GPC6: variants seen among roughly 807,000 people sequenced by gnomAD.
GPC6 encodes the protein glypican 6.
GPC6 carries 14 observed loss-of-function variants against 55.2 expected under a neutral mutation model. That is an observed-to-expected ratio of 0.25 (90% confidence interval 0.17 to 0.40). The LOEUF (loss-of-function observed/expected upper bound fraction) is 0.40. GPC6 is among the 10% of genes least tolerant of loss of function. The pLI, the probability that GPC6 is intolerant of heterozygous loss-of-function variation, is 1.00. For missense variants in GPC6, 641 were observed against 708.5 expected (o/e 0.90, Z 1.08); for synonymous variants, 278 against 259.6 (o/e 1.07, Z -0.68).
chr13:93,256,644 C>A (rs556906208), intron 1 of GPC6, among the ~76,000 whole-genome samples: 4 of 152,180 alleles, frequency 2.6e-5, no homozygotes, highest in African/African-American at 9.6e-5. Flanking sequence ...TAGAAAACAA[C>A]CTCTATGTAG....
At position 94,180,430 on chromosome 13, in the gene GPC6, C is replaced by T. The variant is rs561475277; in HGVS notation, c.878-105919C>T. ...ATATGGCAATTTGATCAACTGAATG[C>T]AGTCTTTGAAGCCACAATAAATGTA... On this transcript the variant is annotated intron_variant, in intron 4 of 8. Coordinates refer to ENST00000377047, the MANE Select transcript of GPC6 (RefSeq NM_005708.5). Among the ~76,000 whole-genome samples, 5 of 152,252 alleles carry T rather than the reference C, an allele frequency of 3.3e-5. No individual in the cohort carries two copies. The East Asian group carries it at 9.6e-4, about 29-fold the overall frequency.
chr13:93,224,065 A>AT (rs1221217766), upstream of GPC6, among the ~76,000 whole-genome samples: 3 of 151,332 alleles, frequency 2.0e-5, no homozygotes, highest in Non-Finnish European at 2.9e-5. Flanking sequence ...CACCCGTCTA[A>AT]TTTTTTGTAT....
intron 1 of GPC6, among the ~76,000 whole-genome samples, chr13:93,528,613 A>G (rs151125432): frequency 6.6e-6 from 1 of 152,320 alleles, no homozygotes; most frequent in Non-Finnish European, 1.5e-5. Context: ...TAGGACTAAA[A>G]ACATCTTTGG....
chr13:93,852,313 A>T lies in GPC6; in HGVS notation c.711+21768A>T, dbSNP rs76991916. 4.0e-3 allele frequency among the ~76,000 whole-genome samples: 600 copies of T among 151,884 alleles called. 7 individuals are homozygous for T. The highest frequency in any genetic ancestry group is 0.014 in the African/African-American group (562 of 41,506). Reference sequence around the variant, plus strand: ...GAAACGCATACTTTGTAAACTGCATATAAGATACACATGGGGCTGAATCAA... The same window carrying T: ...GAAACGCATACTTTGTAAACTGCATTTAAGATACACATGGGGCTGAATCAA... On this transcript the variant is annotated intron_variant, in intron 3 of 8. Transcript: ENST00000377047.
intron 3 of GPC6, among the ~76,000 whole-genome samples, chr13:93,960,260 A>G (rs1879705908): frequency 6.6e-6 from 1 of 152,208 alleles, no homozygotes; most frequent in African/African-American, 2.4e-5. Flanking sequence ...ACGTTTTTAC[A>G]TATTGAGCAC....
intron 1 of GPC6, among the ~76,000 whole-genome samples, chr13:93,308,403 A>G (rs1489944984): frequency 6.6e-6 from 1 of 152,248 alleles, no homozygotes; most frequent in East Asian, 1.9e-4. Context: ...ACTGGCTGAA[A>G]TTGTTGAACC....
At chr13:93,547,107 GATC>G (rs958692282) in intron 2 of GPC6, among the ~76,000 whole-genome samples, 17 of 151,494 alleles carry the variant, frequency 1.1e-4, no homozygotes, top group African/African-American at 4.1e-4. Flanking sequence ...GAGGCGGGTG[GATC>G]ATGAGGTCAA....
intron 2 of GPC6, among the ~76,000 whole-genome samples, chr13:93,574,230 A>G (rs1485426349): frequency 6.6e-6 from 1 of 152,150 alleles, no homozygotes; most frequent in Non-Finnish European, 1.5e-5. Flanking sequence ...TTGCAGATGT[A>G]ATTAGTTAAG....
At chr13:93,503,887 C>T (rs2139374838) in intron 1 of GPC6, among the ~76,000 whole-genome samples, 1 of 152,136 alleles carries the variant, frequency 6.6e-6, no homozygotes, top group African/African-American at 2.4e-5. Context: ...CATATTTAGA[C>T]AATATGAGAT....
At chr13:93,482,670 A>G (rs950977316) in intron 1 of GPC6, among the ~76,000 whole-genome samples, 3 of 152,172 alleles carry the variant, frequency 2.0e-5, no homozygotes, top group Non-Finnish European at 2.9e-5. Context: ...AGAAAATAAA[A>G]GAAAAGAAAC....
Position 93,808,862 on chromosome 13 carries a change from G to A in GPC6, c.320-21292G>A, listed in dbSNP as rs867159119. On this transcript the variant is annotated intron_variant, in intron 2 of 8. Transcript: ENST00000377047. ...CATGTGTAGAGATAACCAGTAAACA[G>A]CAAGGTAGTTGTAGGGAGCTGAGAA... 2.0e-5 allele frequency among the ~76,000 whole-genome samples: 3 copies of A among 152,106 alleles called. No homozygotes were observed. In the South Asian group the frequency reaches 6.2e-4, roughly 32 times the overall value.
chr13:93,239,171 T>G (rs1692405842), intron 1 of GPC6, among the ~76,000 whole-genome samples: 1 of 152,006 alleles, frequency 6.6e-6, no homozygotes, highest in African/African-American at 2.4e-5. Flanking sequence ...ATCACTTCTT[T>G]TAATGTCTGG....
chr13:94,218,022 A>T (rs1177339404), intron 4 of GPC6, among the ~76,000 whole-genome samples: 1 of 152,200 alleles, frequency 6.6e-6, no homozygotes, highest in African/African-American at 2.4e-5. Flanking sequence ...TTTAAACACA[A>T]GCATGTGGTA....
intron 4 of GPC6, among the ~76,000 whole-genome samples, chr13:94,229,491 A>C (rs908386641): frequency 6.6e-6 from 1 of 152,210 alleles, no homozygotes; most frequent in Non-Finnish European, 1.5e-5. Context: ...TGAAACGTGT[A>C]GCCTGAATAG....
chr13:93,248,040 T>A (rs1283856495), intron 1 of GPC6, among the ~76,000 whole-genome samples: 1 of 152,164 alleles, frequency 6.6e-6, no homozygotes, highest in Non-Finnish European at 1.5e-5. Context: ...CTATTGATGA[T>A]GAGATAATAT....
intron 4 of GPC6, among the ~76,000 whole-genome samples, chr13:94,146,425 A>G (rs1488279857): frequency 6.6e-6 from 1 of 152,164 alleles, no homozygotes; most frequent in Non-Finnish European, 1.5e-5. Flanking sequence ...TTTACCTTCA[A>G]CAATTATTAT....
At chr13:94,234,630 C>G (rs1005818096) in intron 4 of GPC6, among the ~76,000 whole-genome samples, 1 of 151,344 alleles carries the variant, frequency 6.6e-6, no homozygotes, top group Non-Finnish European at 1.5e-5. Flanking sequence ...CTTCTTGGAC[C>G]CTTAAAGCTT....
chr13:93,461,013 G>T (rs1416662991), intron 1 of GPC6, among the ~76,000 whole-genome samples: 2 of 152,054 alleles, frequency 1.3e-5, no homozygotes, highest in Admixed American at 6.6e-5. Flanking sequence ...ATCTAGCATT[G>T]GTAAGGAGTA....
intron 3 of GPC6, among the ~76,000 whole-genome samples, chr13:93,851,238 A>T (rs920962119): frequency 2.0e-5 from 3 of 151,978 alleles, no homozygotes; most frequent in African/African-American, 7.2e-5. Flanking sequence ...CCAGACATCT[A>T]AATCTACTAT....
Sources: gnomAD v4.1 joint callset for allele counts (sites outside exome capture counted in the v4.1 genomes callset) on GRCh38, gnomAD v4.1.1 for gene constraint, MANE v1.5 for transcripts, NCBI Gene and HGNC (gene_info 2026-07-23, HGNC 2026-07-21) for gene names.